The following MDGA2 variants were observed in gnomAD, a reference collection of about 807,000 sequenced individuals.
MDGA2 encodes the protein MAM domain containing glycosylphosphatidylinositol anchor 2.
A neutral mutation model predicts 117.8 loss-of-function variants in MDGA2; 40 were observed. The observed-to-expected ratio is 0.34, with a 90% CI of 0.26 to 0.44. The LOEUF (loss-of-function observed/expected upper bound fraction) is 0.44. MDGA2 is among the 20% of genes least tolerant of loss of function. The pLI, the probability that MDGA2 is intolerant of heterozygous loss-of-function variation, is 1.00. For missense variants in MDGA2, 1,123 were observed against 1,250.6 expected (o/e 0.90, Z 1.54); for synonymous variants, 452 against 439.0 (o/e 1.03, Z -0.37).
chr14:47,162,670 T>C (rs1883692303), intron 3 of MDGA2, among the ~76,000 whole-genome samples: 1 of 152,184 alleles, frequency 6.6e-6, no homozygotes, highest in Non-Finnish European at 1.5e-5. Flanking sequence ...ATTATTTTTC[T>C]AAAATTTCCG....
Position 47,429,005 on chromosome 14 carries a change from G to A in MDGA2, c.281-127455C>T, listed in dbSNP as rs190229007. Among the ~76,000 whole-genome samples the A allele has an allele frequency of 3.8e-3, 580 of 151,966 alleles. 5 individuals carry two copies. The highest frequency in any genetic ancestry group is 0.013 in the African/African-American group (557 of 41,470). ...AAGGGGAGGCCAAGGCAGGTGGATC[G>A]CTTGAGGTCAGAAGTTCGAGACAAG... On this transcript the variant is annotated intron_variant, in intron 1 of 16. Coordinates refer to ENST00000399232, the MANE Select transcript of MDGA2 (RefSeq NM_001113498.3).
chr14:47,616,947 C>G (rs190929689), intron 1 of MDGA2, among the ~76,000 whole-genome samples: 1 of 152,218 alleles, frequency 6.6e-6, no homozygotes. Flanking sequence ...ATCAAGTGCT[C>G]AAAAACCAAA....
intron 1 of MDGA2, among the ~76,000 whole-genome samples, chr14:47,480,925 T>C (rs1893941325): frequency 6.6e-6 from 1 of 151,956 alleles, no homozygotes; most frequent in Non-Finnish European, 1.5e-5. Context: ...GTTCTGATAG[T>C]AATAATTACC....
intron 1 of MDGA2, among the ~76,000 whole-genome samples, chr14:47,543,884 A>G: frequency 6.6e-6 from 1 of 152,216 alleles, no homozygotes; most frequent in Non-Finnish European, 1.5e-5. Context: ...CTTCTCTGCC[A>G]GAGTCCAGAG....
At chr14:47,213,896 G>A (rs1220179355) in intron 3 of MDGA2, among the ~76,000 whole-genome samples, 1 of 152,156 alleles carries the variant, frequency 6.6e-6, no homozygotes, top group Non-Finnish European at 1.5e-5. Flanking sequence ...CACAGCGGAA[G>A]GCAAAGAGAA....
chr14:47,368,518 G>C lies in MDGA2; in HGVS notation c.281-66968C>G, dbSNP rs149026023. Among the ~76,000 whole-genome samples the C allele has an allele frequency of 2.0e-4, 30 of 152,254 alleles. No homozygotes were observed. The East Asian group carries it at 5.6e-3, about 28-fold the overall frequency. On this transcript the variant is annotated intron_variant, in intron 1 of 16. Transcript: ENST00000399232. ...GAAAGCAAGAGAGAATTAAAATTCT[G>C]CATTAGTCTTGTGCTTGCAAGGTTA...
intron 1 of MDGA2, among the ~76,000 whole-genome samples, chr14:47,389,430 G>A (rs1891838367): frequency 6.6e-6 from 1 of 151,974 alleles, no homozygotes; most frequent in Non-Finnish European, 1.5e-5. Flanking sequence ...ACTAATTTTT[G>A]TAATTTTAAA....
intron 1 of MDGA2, among the ~76,000 whole-genome samples, chr14:47,457,118 A>G (rs867491973): frequency 7.2e-5 from 11 of 152,238 alleles, no homozygotes; most frequent in Admixed American, 3.9e-4. Context: ...ATGGAGTTAG[A>G]TAATTGTACT....
At chr14:47,053,203 C>G (rs1308304256) in intron 7 of MDGA2, among the ~76,000 whole-genome samples, 3 of 151,886 alleles carry the variant, frequency 2.0e-5, no homozygotes, top group Admixed American at 6.6e-5. Context: ...ATTTGCTTCA[C>G]AGTTTCTTCT....
At chr14:47,342,897 A>T (rs1433824491) in intron 1 of MDGA2, 1 of 429,222 alleles carries the variant, frequency 2.3e-6, no homozygotes, top group African/African-American at 2.0e-5. Context: ...AAAAAAGAGG[A>T]AAGGAACTCA....
chr14:46,996,804 G>A, intron 8 of MDGA2: 1 of 178,894 alleles, frequency 5.6e-6, no homozygotes, highest in Non-Finnish European at 1.2e-5. Flanking sequence ...AGAACAAAAA[G>A]AGCCTAGTAG....
intron 1 of MDGA2, among the ~76,000 whole-genome samples, chr14:47,411,867 C>T (rs907893681): frequency 6.6e-6 from 1 of 152,072 alleles, no homozygotes; most frequent in African/African-American, 2.4e-5. Context: ...CCCAAAGACC[C>T]GTAAGACTTC....
At chr14:47,478,453 C>T (rs907354956) in intron 1 of MDGA2, among the ~76,000 whole-genome samples, 7 of 152,052 alleles carry the variant, frequency 4.6e-5, no homozygotes, top group African/African-American at 1.7e-4. Context: ...CACAGGTCAC[C>T]GCAGCCTTCA....
intron 14 of MDGA2, among the ~76,000 whole-genome samples, chr14:46,870,258 C>A (rs560224389): frequency 6.6e-6 from 1 of 151,926 alleles, no homozygotes. Flanking sequence ...GTATACTGTC[C>A]TTTAGTCACA....
intron 1 of MDGA2, among the ~76,000 whole-genome samples, chr14:47,491,470 T>G (rs1225887425): frequency 6.6e-6 from 1 of 152,104 alleles, no homozygotes; most frequent in African/African-American, 2.4e-5. Context: ...CAATAAAGAT[T>G]AAGAATGCCT....
At chr14:47,169,916 T>G (rs574364796) in intron 3 of MDGA2, among the ~76,000 whole-genome samples, 128 of 152,198 alleles carry the variant, frequency 8.4e-4, no homozygotes, top group African/African-American at 2.9e-3. Flanking sequence ...TGAAAAAAAT[T>G]ACCTATATTG....
chr14:47,037,908 C>T (rs79405800), intron 7 of MDGA2, among the ~76,000 whole-genome samples: 1 of 152,042 alleles, frequency 6.6e-6, no homozygotes. Context: ...ACCAAAACAC[C>T]GTCTGTATTA....
chr14:47,029,664 A>G (rs2138623803), intron 8 of MDGA2, among the ~76,000 whole-genome samples: 1 of 152,284 alleles, frequency 6.6e-6, no homozygotes, highest in South Asian at 2.1e-4. Context: ...GCGCTTTGAG[A>G]TGAAACTAAA....
At chr14:47,189,040 T>C (rs999130581) in intron 3 of MDGA2, among the ~76,000 whole-genome samples, 1 of 151,744 alleles carries the variant, frequency 6.6e-6, no homozygotes, top group Admixed American at 6.6e-5. Context: ...GAAGCTTTGC[T>C]GTTGTTGTTG....
Sources: allele counts gnomAD v4.1 joint callset (sites outside exome capture counted in the v4.1 genomes callset), GRCh38; gene constraint gnomAD v4.1.1; transcripts MANE v1.5; gene names NCBI Gene and HGNC (gene_info 2026-07-23, HGNC 2026-07-21).